Variants in WWOX observed in about 807,000 individuals in gnomAD.
The protein encoded by WWOX is WW domain-containing oxidoreductase.
A neutral mutation model predicts 46.2 loss-of-function variants in WWOX; 69 were observed. The ratio of observed to expected loss-of-function variants is 1.49; its 90% CI spans 1.23 to 1.82. The LOEUF (loss-of-function observed/expected upper bound fraction) is 1.82, where lower values mean the gene tolerates loss of function less well. Among genes scored for constraint, WWOX ranks in the 40% most tolerant of loss-of-function variants. The pLI, the probability that WWOX is intolerant of heterozygous loss-of-function variation, is 0.00. For synonymous variants in WWOX, 359 were observed against 202.6 expected (o/e 1.77, Z -6.56); for missense variants, 919 against 542.6 (o/e 1.69, Z -6.89).
At chr16:79,155,323 C>G (rs1418728749) in intron 8 of WWOX, among the ~76,000 whole-genome samples, 1 of 152,242 alleles carries the variant, frequency 6.6e-6, no homozygotes, top group East Asian at 1.9e-4. Context: ...TTGCAGTGAG[C>G]TGAGATCACG....
intron 4 of WWOX, among the ~76,000 whole-genome samples, chr16:78,126,571 A>G (rs2033371204): frequency 6.6e-6 from 1 of 152,288 alleles, no homozygotes; most frequent in East Asian, 1.9e-4. Flanking sequence ...CTATCATTTA[A>G]TTTTCAAAAT....
intron 8 of WWOX, among the ~76,000 whole-genome samples, chr16:78,675,639 C>G (rs1438147103): frequency 6.6e-6 from 1 of 152,000 alleles, no homozygotes; most frequent in Non-Finnish European, 1.5e-5. Context: ...GGGCACTAGC[C>G]CATCTGTATG....
At chr16:78,606,951 A>G (rs1404755255) in intron 8 of WWOX, among the ~76,000 whole-genome samples, 1 of 152,038 alleles carries the variant, frequency 6.6e-6, no homozygotes, top group Non-Finnish European at 1.5e-5. Context: ...ATTATGTCCA[A>G]TGATCATTTT....
intron 8 of WWOX, among the ~76,000 whole-genome samples, chr16:78,625,391 C>T (rs2046288962): frequency 6.6e-6 from 1 of 152,134 alleles, no homozygotes; most frequent in South Asian, 2.1e-4. Flanking sequence ...CCACACAATC[C>T]ACAACCTACT....
intron 8 of WWOX, among the ~76,000 whole-genome samples, chr16:78,920,649 A>C (rs1392923332): frequency 6.6e-6 from 1 of 152,134 alleles, no homozygotes; most frequent in Non-Finnish European, 1.5e-5. Context: ...GACCTGCTTG[A>C]TTCATGTCTT....
rs1179837307 is a variant in WWOX at position 79,020,476 on chromosome 16, CA to C, written c.1057-191131del. Among the ~76,000 whole-genome samples the C allele has an allele frequency of 2.6e-5, 4 of 152,270 alleles. No homozygotes were observed. The East Asian group carries it at 7.7e-4, about 29-fold the overall frequency. ...ATGGGGATCATGATAGTCTCTGTCC[CA>C]GGGGAGTTAGGAGGATTAAATGCAA... is the stretch of plus-strand genomic sequence containing the variant. On this transcript the variant is annotated intron_variant, in intron 8 of 8. Transcript: ENST00000566780.
chr16:78,401,654 C>T (rs1271411771), intron 6 of WWOX, among the ~76,000 whole-genome samples: 3 of 152,000 alleles, frequency 2.0e-5, no homozygotes, highest in Admixed American at 2.0e-4. Context: ...TCTCAGAGCC[C>T]AGGGATTTTT....
chr16:78,555,585 C>CTT (rs5818153), intron 8 of WWOX, among the ~76,000 whole-genome samples: 4,850 of 140,934 alleles, frequency 0.034, 140 homozygotes, highest in African/African-American at 0.078. Flanking sequence ...AGGAGTGCCA[C>CTT]TTTTTTTTTT....
At chr16:78,290,340 G>T (rs539362674) in intron 5 of WWOX, among the ~76,000 whole-genome samples, 9 of 133,018 alleles carry the variant, frequency 6.8e-5, no homozygotes, top group African/African-American at 2.6e-4. Flanking sequence ...CTTGAGAATG[G>T]CTTTACCATT....
intron 8 of WWOX, among the ~76,000 whole-genome samples, chr16:78,943,268 G>T (rs2045886769): frequency 6.6e-6 from 1 of 150,876 alleles, no homozygotes; most frequent in Non-Finnish European, 1.5e-5. Context: ...AGGCGTTATT[G>T]TGCCCATTTC....
intron 8 of WWOX, among the ~76,000 whole-genome samples, chr16:78,861,578 G>A (rs1162098616): frequency 1.3e-5 from 2 of 151,968 alleles, no homozygotes; most frequent in African/African-American, 2.4e-5. Context: ...TAAAAGTAAG[G>A]TCTCTTTAAA....
chr16:78,963,333 G>C (rs192777102), intron 8 of WWOX, among the ~76,000 whole-genome samples: 27 of 152,260 alleles, frequency 1.8e-4, no homozygotes, highest in African/African-American at 6.3e-4. Flanking sequence ...GCTGCCCATG[G>C]TGGTGTATGC....
At chr16:79,018,828 A>T (rs534221375) in intron 8 of WWOX, among the ~76,000 whole-genome samples, 1 of 152,232 alleles carries the variant, frequency 6.6e-6, no homozygotes, top group South Asian at 2.1e-4. Flanking sequence ...ATGATTCATT[A>T]TGCAAATAAT....
chr16:78,907,562 C>T lies in WWOX; in HGVS notation c.1057-304046C>T, dbSNP rs1460121986. On this transcript the variant is annotated intron_variant, in intron 8 of 8. Transcript: ENST00000566780. Reference sequence around the variant, plus strand: ...CCCCCCAAAGTTAGCTTGGCCCAAGCCCAGGAATGACTAAGGGCGGTCTGA... The same window carrying T: ...CCCCCCAAAGTTAGCTTGGCCCAAGTCCAGGAATGACTAAGGGCGGTCTGA... Among the ~76,000 whole-genome samples the T allele has an allele frequency of 3.3e-5, 5 of 152,184 alleles. No individual in the cohort carries two copies. The East Asian group carries it at 7.8e-4, about 24-fold the overall frequency.
intron 8 of WWOX, among the ~76,000 whole-genome samples, chr16:79,102,533 A>G (rs2049222739): frequency 6.6e-6 from 1 of 152,228 alleles, no homozygotes; most frequent in African/African-American, 2.4e-5. Context: ...AAAGTTGCTG[A>G]AACCCTTCTT....
intron 8 of WWOX, among the ~76,000 whole-genome samples, chr16:78,787,613 G>C (rs1381431239): frequency 6.6e-6 from 1 of 152,152 alleles, no homozygotes; most frequent in African/African-American, 2.4e-5. Context: ...GAATTATGCT[G>C]CTATGATCAT....
chr16:78,997,224 G>A (rs1412137207), intron 8 of WWOX, among the ~76,000 whole-genome samples: 1 of 152,102 alleles, frequency 6.6e-6, no homozygotes, highest in Non-Finnish European at 1.5e-5. Context: ...AAAGCAAACT[G>A]AAATAAAATT....
chr16:78,747,459 A>G (rs935852675), intron 8 of WWOX, among the ~76,000 whole-genome samples: 2 of 152,192 alleles, frequency 1.3e-5, no homozygotes, highest in Non-Finnish European at 2.9e-5. Context: ...CCCATCATTT[A>G]TGAAGTGCTC....
chr16:78,711,082 A>C (rs188780781), intron 8 of WWOX, among the ~76,000 whole-genome samples: 1 of 152,318 alleles, frequency 6.6e-6, no homozygotes, highest in Non-Finnish European at 1.5e-5. Flanking sequence ...GTAAGTTATA[A>C]AGAGAGATTA....
Sources: allele counts gnomAD v4.1 joint callset (sites outside exome capture counted in the v4.1 genomes callset), GRCh38; gene constraint gnomAD v4.1.1; transcripts MANE v1.5; gene names NCBI Gene and HGNC (gene_info 2026-07-23, HGNC 2026-07-21).